The following IL19 variants were observed in gnomAD, a reference collection of about 807,000 sequenced individuals.
IL19 encodes interleukin 19.
In IL19, 15 loss-of-function variants were observed where a neutral mutation model predicts 19.5. That is an observed-to-expected ratio of 0.77 (90% CI 0.52 to 1.19). The LOEUF (loss-of-function observed/expected upper bound fraction) is 1.19, where lower values mean the gene tolerates loss of function less well. Among genes scored for constraint, IL19 ranks in the 50% most tolerant of loss-of-function variants. IL19 has a pLI of 0.00. For missense variants in IL19, 199 were observed against 213.1 expected, an observed-to-expected ratio of 0.93 and a Z score of 0.41; for synonymous variants, 78 against 78.3, an observed-to-expected ratio of 1.00 and a Z score of 0.02.
At chr1:206,831,053 G>A (rs1428102043) in intron 2 of IL19, among the ~76,000 whole-genome samples, 1 of 152,174 alleles carries the variant, frequency 6.6e-6, no homozygotes, top group African/African-American at 2.4e-5. Flanking sequence ...CATTCCCACA[G>A]AAGGCAATAG....
intron 1 of IL19, among the ~76,000 whole-genome samples, chr1:206,786,627 G>A (rs1675275464): frequency 6.6e-6 from 1 of 152,136 alleles, no homozygotes; most frequent in Non-Finnish European, 1.5e-5. Flanking sequence ...CCCACGTTGA[G>A]CCAGAACTTG....
At chr1:206,813,337 G>A (rs897462508) in intron 2 of IL19, among the ~76,000 whole-genome samples, 1 of 152,178 alleles carries the variant, frequency 6.6e-6, no homozygotes, top group African/African-American at 2.4e-5. Context: ...GTTCCTGTGA[G>A]TGTTACCCCA....
chr1:206,842,274 G>A (rs944572282), intron 6 of IL19, among the ~76,000 whole-genome samples: 1 of 152,142 alleles, frequency 6.6e-6, no homozygotes. Context: ...AAAAAAACCT[G>A]AGGGAAAAGA....
intron 1 of IL19, among the ~76,000 whole-genome samples, chr1:206,787,628 T>A (rs1279720651): frequency 1.3e-5 from 2 of 152,236 alleles, no homozygotes; most frequent in Non-Finnish European, 1.5e-5. Flanking sequence ...AGTCTTGATT[T>A]CTGTCTCTGT....
chr1:206,825,147 G>T (rs1344533685), intron 2 of IL19, among the ~76,000 whole-genome samples: 1 of 152,214 alleles, frequency 6.6e-6, no homozygotes, highest in Non-Finnish European at 1.5e-5. Context: ...GTTTGCATAT[G>T]TGTACATTTT....
At chr1:206,829,319 G>T (rs967220728) in intron 2 of IL19, among the ~76,000 whole-genome samples, 4 of 152,134 alleles carry the variant, frequency 2.6e-5, no homozygotes, top group Admixed American at 6.5e-5. Context: ...TATCCAGCGG[G>T]AATATAAAAA....
chr1:206,782,366 A>G (rs2102449327), intron 1 of IL19, among the ~76,000 whole-genome samples: 1 of 152,150 alleles, frequency 6.6e-6, no homozygotes, highest in South Asian at 2.1e-4. Context: ...TCCCCTGGAA[A>G]AGGGAAGACC....
intron 1 of IL19, among the ~76,000 whole-genome samples, chr1:206,781,375 A>G (rs1212703335): frequency 7.2e-6 from 1 of 139,080 alleles, no homozygotes; most frequent in African/African-American, 2.7e-5. Context: ...AGATCGCGCC[A>G]CTGTGCTCCA....
chr1:206,841,503 T>C (rs1194243122), intron 6 of IL19, among the ~76,000 whole-genome samples: 1 of 152,220 alleles, frequency 6.6e-6, no homozygotes, highest in East Asian at 1.9e-4. Context: ...CATGTTGATG[T>C]TGGTGTAAAA....
chr1:206,820,214 G>A (rs74956556), intron 2 of IL19, among the ~76,000 whole-genome samples: 2 of 152,246 alleles, frequency 1.3e-5, no homozygotes, highest in East Asian at 3.9e-4. Context: ...TCATCTGAGT[G>A]ATCGATAAAA....
chr1:206,837,087 G>A, intron 4 of IL19, 64 bp downstream of exon 4: 1 of 1,290,800 alleles, frequency 7.7e-7, no homozygotes, highest in Non-Finnish European at 1.1e-6. Context: ...TCTGGGCTGA[G>A]AAAGAAATCC....
chr1:206,799,186 G>C (rs764076080), intron 2 of IL19, among the ~76,000 whole-genome samples, 180 bp downstream of exon 2: 3 of 152,094 alleles, frequency 2.0e-5, no homozygotes, highest in Non-Finnish European at 4.4e-5. Context: ...AGGGGAGAAG[G>C]GGGGGTCACC....
At chr1:206,790,048 T>C (rs1675358645) in intron 1 of IL19, among the ~76,000 whole-genome samples, 1 of 152,220 alleles carries the variant, frequency 6.6e-6, no homozygotes, top group African/African-American at 2.4e-5. Context: ...TTTAAGTAGA[T>C]ACCCAGTAGT....
At chr1:206,797,181 G>C (rs950985442) in intron 1 of IL19, among the ~76,000 whole-genome samples, 4 of 152,132 alleles carry the variant, frequency 2.6e-5, no homozygotes, top group Non-Finnish European at 5.9e-5. Context: ...TCACTTGTCC[G>C]GGGTCATAGT....
At chr1:206,775,507 C>G (rs947065416) in intron 1 of IL19, among the ~76,000 whole-genome samples, 14 of 152,144 alleles carry the variant, frequency 9.2e-5, no homozygotes, top group African/African-American at 3.4e-4. Flanking sequence ...TGGGCAAGTT[C>G]CCTGGTGCAA....
At chr1:206,829,755 C>A (rs909645804) in intron 2 of IL19, among the ~76,000 whole-genome samples, 1 of 152,138 alleles carries the variant, frequency 6.6e-6, no homozygotes, top group African/African-American at 2.4e-5. Context: ...CCATTACTAT[C>A]CCTCCATCCC....
chr1:206,834,580 A>G (rs1179545387), intron 2 of IL19, among the ~76,000 whole-genome samples: 2 of 152,174 alleles, frequency 1.3e-5, no homozygotes, highest in African/African-American at 4.8e-5. Context: ...CTAGTATCTT[A>G]TTTTCAACGA....
At chr1:206,830,642 G>A (rs1676572911) in intron 2 of IL19, among the ~76,000 whole-genome samples, 2 of 151,830 alleles carry the variant, frequency 1.3e-5, no homozygotes, top group South Asian at 2.1e-4. Flanking sequence ...GCAGTGGTGC[G>A]GTCTCGGCTC....
chr1:206,802,211 T>C (rs1167160431), intron 2 of IL19, among the ~76,000 whole-genome samples: 1 of 152,108 alleles, frequency 6.6e-6, no homozygotes, highest in Non-Finnish European at 1.5e-5. Flanking sequence ...GTGATGGAGA[T>C]GGGATTAGAC....
Sources: gnomAD v4.1 joint callset for allele counts (sites outside exome capture counted in the v4.1 genomes callset) on GRCh38, gnomAD v4.1.1 for gene constraint, MANE v1.5 for transcripts, NCBI Gene and HGNC (gene_info 2026-07-23, HGNC 2026-07-21) for gene names.